The following ULK4 variants were observed in gnomAD, a reference collection of about 807,000 sequenced individuals.
ULK4 encodes the protein unc-51 like kinase 4.
In ULK4, 133 loss-of-function variants were observed where a neutral mutation model predicts 160.6. The observed-to-expected ratio is 0.83, with a 90% CI of 0.72 to 0.96. The LOEUF (loss-of-function observed/expected upper bound fraction) is 0.96. ULK4 is among the 40% of genes least tolerant of loss of function. ULK4 has a pLI of 0.00. For missense variants in ULK4, 1,580 were observed against 1,499.5 expected, an observed-to-expected ratio of 1.05 and a Z score of -0.89; for synonymous variants, 534 against 539.8, an observed-to-expected ratio of 0.99 and a Z score of 0.15.
intron 17 of ULK4, among the ~76,000 whole-genome samples, chr3:41,879,012 G>A (rs1354198321): frequency 1.3e-5 from 2 of 152,150 alleles, no homozygotes; most frequent in African/African-American, 4.8e-5. Context: ...AAAGGGTGCA[G>A]TAAAGCTTCT....
chr3:41,722,465 C>A (rs936604674), intron 22 of ULK4, among the ~76,000 whole-genome samples: 2 of 151,928 alleles, frequency 1.3e-5, no homozygotes, highest in Admixed American at 1.3e-4. Context: ...CCCGTCTCCA[C>A]CAAAAAAATA....
intron 22 of ULK4, among the ~76,000 whole-genome samples, chr3:41,744,426 A>G (rs931845733): frequency 2.6e-5 from 4 of 152,032 alleles, no homozygotes; most frequent in African/African-American, 9.7e-5. Context: ...CAAATGAAGT[A>G]AACTTCAGAG....
Position 41,705,294 on chromosome 3 carries a change from T to C in ULK4, c.2646A>G (p.Lys882=). 6.2e-7 allele frequency: 1 copy of C among 1,610,726 alleles called. No homozygotes were observed. The highest frequency in any genetic ancestry group is 8.5e-7 in the Non-Finnish European group (1 of 1,178,674). ...FSYGTILSHI[K]SVDSGETNID... ...TGTTCGTTTCTCCTGAGTCTACAGA[T>C]TTAATATGACTCTGAAAAAAAATAA... Residue 882 remains lysine (K), a synonymous_variant, in exon 26 of 37, where the codon AAA becomes AAG. Transcript: ENST00000301831.
chr3:41,625,507 T>C (rs1366053915), intron 30 of ULK4, among the ~76,000 whole-genome samples: 2 of 152,136 alleles, frequency 1.3e-5, no homozygotes, highest in Non-Finnish European at 2.9e-5. Context: ...TTTGATGCAG[T>C]ACTTTGGAGA....
intron 32 of ULK4, among the ~76,000 whole-genome samples, chr3:41,498,783 G>A (rs1212195887): frequency 6.6e-6 from 1 of 152,024 alleles, no homozygotes; most frequent in Non-Finnish European, 1.5e-5. Flanking sequence ...TTTTAGTAGA[G>A]ACAGGGTTTC....
At chr3:41,716,149 G>T (rs932812558) in intron 23 of ULK4, among the ~76,000 whole-genome samples, 2 of 150,826 alleles carry the variant, frequency 1.3e-5, no homozygotes, top group African/African-American at 4.9e-5. Flanking sequence ...GGAGGTGAAG[G>T]TTGCAGTGAG....
chr3:41,309,491 T>C (rs988185745), intron 35 of ULK4, among the ~76,000 whole-genome samples: 1 of 152,080 alleles, frequency 6.6e-6, no homozygotes, highest in African/African-American at 2.4e-5. Flanking sequence ...GCTCATGACA[T>C]TGTGCCCAGC....
chr3:41,467,404 A>C lies in ULK4; in HGVS notation c.3227-4151T>G, dbSNP rs1025618799. Among the ~76,000 whole-genome samples, 8 of 152,158 alleles carry C rather than the reference A, an allele frequency of 5.3e-5. No homozygotes were observed. In the South Asian group the frequency reaches 1.7e-3, roughly 32 times the overall value. ...TTAGCTGGGCATGGTGGCACACACT[A>C]TAATCCCAGCGACTCAGGAGGCTGA... On this transcript the variant is annotated intron_variant, in intron 32 of 36. Transcript: ENST00000301831.
chr3:41,522,657 T>C (rs1474379409), intron 32 of ULK4, among the ~76,000 whole-genome samples: 3 of 152,186 alleles, frequency 2.0e-5, no homozygotes, highest in Admixed American at 1.3e-4. Context: ...CTGTTCTCCA[T>C]ATTTCAAAAC....
intron 31 of ULK4, among the ~76,000 whole-genome samples, chr3:41,614,185 T>G (rs945643214): frequency 5.9e-5 from 9 of 152,216 alleles, no homozygotes; most frequent in African/African-American, 2.2e-4. Flanking sequence ...AGGAGTTATA[T>G]TCATCTAACG....
At chr3:41,874,758 A>C (rs1466058205) in intron 17 of ULK4, among the ~76,000 whole-genome samples, 1 of 152,238 alleles carries the variant, frequency 6.6e-6, no homozygotes, top group Admixed American at 6.5e-5. Flanking sequence ...TACAGTGTAC[A>C]CTACTCAGGT....
At position 41,911,554 on chromosome 3, in the gene ULK4, G is replaced by C. The variant is rs1393233515; in HGVS notation, c.1002C>G (p.His334Gln). The C allele has an allele frequency of 6.2e-7, 1 of 1,613,610 alleles. No individual in the cohort carries two copies. Among genetic ancestry groups the C allele is most frequent in the Non-Finnish European group, 8.5e-7 (1 of 1,179,802 alleles). Residue 334 changes from histidine (H) to glutamine (Q), a missense_variant, in exon 10 of 37, where the codon CAC becomes CAG. Coordinates refer to ENST00000301831, the MANE Select transcript of ULK4 (RefSeq NM_017886.4). ...KGHKSGQPLG[H>Q]SFRLENPTEF... ...AATAAAACTTACCTAGTCTGAAAGA[G>C]TGACCTAGTGGTTGACCACTCTTGT...
intron 31 of ULK4, among the ~76,000 whole-genome samples, chr3:41,599,721 T>C (rs1434630329): frequency 6.6e-6 from 1 of 151,938 alleles, no homozygotes; most frequent in African/African-American, 2.4e-5. Context: ...CATACCACCA[T>C]GCCCAGCTAA....
intron 12 of ULK4, among the ~76,000 whole-genome samples, chr3:41,901,172 CTTTT>C (rs201425733): frequency 2.8e-4 from 34 of 119,924 alleles, no homozygotes; most frequent in African/African-American, 1.0e-3. Flanking sequence ...AGCATGGCTT[CTTTT>C]TTTTTTTTTT....
At chr3:41,822,854 T>C (rs2041193651) in intron 18 of ULK4, among the ~76,000 whole-genome samples, 1 of 151,596 alleles carries the variant, frequency 6.6e-6, no homozygotes, top group Non-Finnish European at 1.5e-5. Context: ...CCCAAGTAGC[T>C]GGGACTACAG....
chr3:41,396,947 C>T (rs2125813497), intron 35 of ULK4, among the ~76,000 whole-genome samples: 1 of 152,246 alleles, frequency 6.6e-6, no homozygotes, highest in South Asian at 2.1e-4. Context: ...CTAGTTCTGT[C>T]ACCCATCACC....
chr3:41,662,984 G>T (rs1321275349), intron 30 of ULK4, among the ~76,000 whole-genome samples: 1 of 152,084 alleles, frequency 6.6e-6, no homozygotes, highest in Non-Finnish European at 1.5e-5. Flanking sequence ...ACTTTGGGAG[G>T]CCGAGGTGGG....
intron 21 of ULK4, among the ~76,000 whole-genome samples, chr3:41,781,325 G>A (rs2039833367): frequency 6.6e-6 from 1 of 151,756 alleles, no homozygotes; most frequent in Non-Finnish European, 1.5e-5. Flanking sequence ...GCTGAGGCAG[G>A]AGAATGGCGT....
At chr3:41,286,258 T>C (rs2079454819) in intron 35 of ULK4, among the ~76,000 whole-genome samples, 1 of 152,222 alleles carries the variant, frequency 6.6e-6, no homozygotes, top group African/African-American at 2.4e-5. Context: ...GTAATCACCC[T>C]CTGAGACGGG....
Sources: allele counts gnomAD v4.1 joint callset (sites outside exome capture counted in the v4.1 genomes callset), GRCh38; gene constraint gnomAD v4.1.1; transcripts MANE v1.5; gene names NCBI Gene and HGNC (gene_info 2026-07-23, HGNC 2026-07-21).